The following MAGI2 variants were observed in gnomAD, a reference collection of about 807,000 sequenced individuals.
MAGI2 encodes the protein membrane-associated guanylate kinase, WW and PDZ domain-containing protein 2.
MAGI2 carries 35 observed loss-of-function variants against 133.3 expected under a neutral mutation model. The observed-to-expected ratio is 0.26, with a 90% CI of 0.20 to 0.35. The LOEUF is 0.35. Ranked by LOEUF, MAGI2 falls within the 10% of genes least tolerant of loss-of-function variation. The pLI, the probability that MAGI2 is intolerant of heterozygous loss-of-function variation, is 1.00. For missense variants in MAGI2, 1,636 were observed against 1,863.4 expected (o/e 0.88, Z 2.25); for synonymous variants, 729 against 710.6 (o/e 1.03, Z -0.41).
intron 6 of MAGI2, among the ~76,000 whole-genome samples, chr7:78,392,370 G>C (rs1454166770): frequency 6.6e-6 from 1 of 152,176 alleles, no homozygotes; most frequent in Non-Finnish European, 1.5e-5. Flanking sequence ...ATGGGGAAAA[G>C]TGTGTGAGAT....
At chr7:78,056,693 G>A (rs949178888) in intron 21 of MAGI2, among the ~76,000 whole-genome samples, 3 of 152,102 alleles carry the variant, frequency 2.0e-5, no homozygotes, top group African/African-American at 7.2e-5. Context: ...GAGAGCATCA[G>A]GAAGAACAGC....
chr7:78,325,429 G>C (rs3915112), intron 9 of MAGI2, among the ~76,000 whole-genome samples: 2 of 152,130 alleles, frequency 1.3e-5, no homozygotes, highest in African/African-American at 4.8e-5. Context: ...ACCTTAATTA[G>C]GTGAAAGTGA....
intron 1 of MAGI2, among the ~76,000 whole-genome samples, chr7:79,269,623 T>C (rs184558120): frequency 6.0e-4 from 91 of 152,296 alleles, no homozygotes; most frequent in African/African-American, 2.1e-3. Flanking sequence ...CTATGTATAT[T>C]GATTGTAATG....
intron 1 of MAGI2, among the ~76,000 whole-genome samples, chr7:79,435,251 T>C (rs1848056113): frequency 1.3e-5 from 2 of 152,220 alleles, no homozygotes; most frequent in Admixed American, 1.3e-4. Context: ...CTTTTGACAT[T>C]TATTCATTCA....
At chr7:78,353,694 G>C (rs1176859804) in intron 7 of MAGI2, among the ~76,000 whole-genome samples, 1 of 152,186 alleles carries the variant, frequency 6.6e-6, no homozygotes, top group Non-Finnish European at 1.5e-5. Flanking sequence ...GTATTTTGCT[G>C]GTTGGAGAAG....
intron 10 of MAGI2, among the ~76,000 whole-genome samples, chr7:78,231,151 TG>T (rs1438692473): frequency 1.3e-5 from 2 of 152,350 alleles, no homozygotes; most frequent in East Asian, 3.9e-4. Flanking sequence ...CAAAATGACC[TG>T]GTCTCCCAGG....
intron 1 of MAGI2, among the ~76,000 whole-genome samples, chr7:79,260,333 G>A (rs1563055641): frequency 6.6e-6 from 1 of 152,002 alleles, no homozygotes; most frequent in Non-Finnish European, 1.5e-5. Flanking sequence ...TCCAGCCTGG[G>A]TGACACAGTG....
intron 3 of MAGI2, among the ~76,000 whole-genome samples, chr7:78,536,923 C>T (rs1301662564): frequency 6.6e-6 from 1 of 152,006 alleles, no homozygotes; most frequent in Non-Finnish European, 1.5e-5. Flanking sequence ...ATGCAGTGTA[C>T]TCTGTACCCA....
chr7:79,021,142 T>G (rs954116570), intron 1 of MAGI2, among the ~76,000 whole-genome samples: 1 of 152,228 alleles, frequency 6.6e-6, no homozygotes, highest in Admixed American at 6.5e-5. Flanking sequence ...TTTCAGAGGA[T>G]GTATGGAAAC....
intron 1 of MAGI2, among the ~76,000 whole-genome samples, chr7:79,022,511 A>G (rs1365383238): frequency 6.6e-6 from 1 of 152,078 alleles, no homozygotes; most frequent in Non-Finnish European, 1.5e-5. Flanking sequence ...GCAGGAGACA[A>G]GAAATAACCA....
intron 3 of MAGI2, among the ~76,000 whole-genome samples, chr7:78,597,343 T>G (rs945021106): frequency 4.2e-5 from 6 of 142,060 alleles, no homozygotes; most frequent in African/African-American, 1.6e-4. Flanking sequence ...TTTGTGAAAA[T>G]ACATAAAAAC....
At chr7:78,528,152 G>A (rs940915165) in intron 3 of MAGI2, among the ~76,000 whole-genome samples, 1 of 152,138 alleles carries the variant, frequency 6.6e-6, no homozygotes, top group Non-Finnish European at 1.5e-5. Flanking sequence ...AACAATATGT[G>A]GCAAACTTTA....
At chr7:78,360,528 A>T (rs185868726) in intron 7 of MAGI2, among the ~76,000 whole-genome samples, 2 of 152,382 alleles carry the variant, frequency 1.3e-5, no homozygotes, top group Admixed American at 1.3e-4. Flanking sequence ...GAGCATGTTT[A>T]ATCTCGAGAG....
intron 2 of MAGI2, among the ~76,000 whole-genome samples, chr7:78,981,921 T>C (rs1804825116): frequency 6.6e-6 from 1 of 151,898 alleles, no homozygotes; most frequent in African/African-American, 2.4e-5. Flanking sequence ...TCCTTGACAA[T>C]TCCCTGGCTC....
chr7:79,013,838 C>T (rs745816467), intron 1 of MAGI2, among the ~76,000 whole-genome samples: 3 of 152,088 alleles, frequency 2.0e-5, no homozygotes, highest in African/African-American at 4.8e-5. Context: ...CCCAATTTGC[C>T]TATTTTAAAT....
chr7:78,287,433 G>C (rs1796255816), intron 9 of MAGI2, among the ~76,000 whole-genome samples: 2 of 152,292 alleles, frequency 1.3e-5, no homozygotes, highest in South Asian at 4.1e-4. Context: ...AGGAAATACT[G>C]AGTCCATTGG....
At chr7:78,607,515 G>T (rs946561422) in intron 3 of MAGI2, among the ~76,000 whole-genome samples, 6 of 141,596 alleles carry the variant, frequency 4.2e-5, no homozygotes, top group Non-Finnish European at 9.3e-5. Context: ...AAAAAAAAAA[G>T]AGAGTCTCTG....
intron 9 of MAGI2, among the ~76,000 whole-genome samples, chr7:78,291,777 C>T (rs191919293): frequency 2.6e-5 from 4 of 151,928 alleles, no homozygotes; most frequent in East Asian, 3.9e-4. Flanking sequence ...GCTGGTTCAA[C>T]ATATGCAAAT....
chr7:79,285,889 T>C (rs1835964371), intron 1 of MAGI2, among the ~76,000 whole-genome samples: 1 of 152,140 alleles, frequency 6.6e-6, no homozygotes, highest in South Asian at 2.1e-4. Context: ...AGTTAATTAC[T>C]TAATGTATAT....
Sources: allele counts gnomAD v4.1 joint callset (sites outside exome capture counted in the v4.1 genomes callset), GRCh38; gene constraint gnomAD v4.1.1; transcripts MANE v1.5; gene names NCBI Gene and HGNC (gene_info 2026-07-23, HGNC 2026-07-21).